KCNH8: variants seen among roughly 807,000 people sequenced by gnomAD.
KCNH8 encodes potassium voltage-gated channel subfamily H member 8, also known as voltage-gated delayed rectifier potassium channel KCNH8.
Under a neutral mutation model 103.6 loss-of-function variants are expected in KCNH8, and 70 were observed. The ratio of observed to expected loss-of-function variants is 0.68; its 90% CI spans 0.56 to 0.82. The LOEUF is 0.82. KCNH8 is among the 40% of genes least tolerant of loss of function. The probability of loss-of-function intolerance (pLI) is 0.00; values close to 1 mark genes in which losing one functional copy is unlikely to be tolerated. For synonymous variants in KCNH8, 498 were observed against 489.4 expected, an observed-to-expected ratio of 1.02 and a Z score of -0.23; for missense variants, 1,217 against 1,329.9, an observed-to-expected ratio of 0.92 and a Z score of 1.32.
At chr3:19,473,125 C>A (rs2067897847) in intron 11 of KCNH8, among the ~76,000 whole-genome samples, 1 of 152,170 alleles carries the variant, frequency 6.6e-6, no homozygotes, top group Admixed American at 6.6e-5. Flanking sequence ...AAAATCAAGT[C>A]AAACTCATGG....
chr3:19,510,471 T>C (rs2068764899), intron 12 of KCNH8, 70 bp downstream of exon 12: 1 of 964,062 alleles, frequency 1.0e-6, no homozygotes, highest in Non-Finnish European at 1.7e-6. Context: ...CTGTCTTGTC[T>C]TTCTCTTCAG....
rs540216877 is a variant in KCNH8 at position 19,181,972 on chromosome 3, T to A, written c.76+33177T>A. Among the ~76,000 whole-genome samples, 6 of 152,262 alleles carry A rather than the reference T, an allele frequency of 3.9e-5. 1 individual carries two copies. The South Asian group carries it at 1.2e-3, about 32-fold the overall frequency. ...TTCAGTGTTGTGCGTGACATTTGTA[T>A]AGAAAAGAAAATGACCAAATTCCTG... On this transcript the variant is annotated intron_variant, in intron 1 of 15. Transcript: ENST00000328405.
At chr3:19,266,032 C>T (rs529757360) in intron 2 of KCNH8, among the ~76,000 whole-genome samples, 71 of 152,062 alleles carry the variant, frequency 4.7e-4, no homozygotes, top group Non-Finnish European at 9.0e-4. Flanking sequence ...CTTTTCTCCT[C>T]ACTGTCTCCA....
At chr3:19,302,395 A>G (rs1032752167) in intron 3 of KCNH8, among the ~76,000 whole-genome samples, 5 of 152,142 alleles carry the variant, frequency 3.3e-5, no homozygotes, top group Non-Finnish European at 5.9e-5. Context: ...TTTTCTTTGT[A>G]AATTTTAGTA....
chr3:19,399,110 G>C (rs1334755174), intron 7 of KCNH8, among the ~76,000 whole-genome samples: 2 of 151,888 alleles, frequency 1.3e-5, no homozygotes. Context: ...AACCTTGTTA[G>C]GATATATCAA....
chr3:19,477,517 G>A (rs922125969), intron 11 of KCNH8, among the ~76,000 whole-genome samples: 5 of 151,646 alleles, frequency 3.3e-5, no homozygotes, highest in African/African-American at 1.2e-4. Flanking sequence ...CTGCCCAACA[G>A]GCTCCAAATG....
intron 2 of KCNH8, among the ~76,000 whole-genome samples, chr3:19,267,337 C>T (rs1371232611): frequency 2.0e-5 from 3 of 151,988 alleles, no homozygotes; most frequent in Non-Finnish European, 4.4e-5. Context: ...GAAAAGAATA[C>T]GTATTTTACT....
chr3:19,264,419 T>C (rs1168348544), intron 2 of KCNH8, among the ~76,000 whole-genome samples: 1 of 152,126 alleles, frequency 6.6e-6, no homozygotes, highest in Non-Finnish European at 1.5e-5. Flanking sequence ...TCTTTTCCTA[T>C]GGTCATGACT....
intron 3 of KCNH8, among the ~76,000 whole-genome samples, chr3:19,311,181 A>G (rs2065203015): frequency 6.6e-6 from 1 of 151,784 alleles, no homozygotes; most frequent in Non-Finnish European, 1.5e-5. Flanking sequence ...TCTAATAATA[A>G]TAATAATAAT....
Position 19,284,865 on chromosome 3 carries a change from T to C in KCNH8, c.442+3536T>C, listed in dbSNP as rs1310751069. Reference sequence around the variant, plus strand: ...TTGGCTGGCAGTTAAATATGTCCTTTTTATAAAAAAAAAAAAGAAAAGGAA... The same window carrying C: ...TTGGCTGGCAGTTAAATATGTCCTTCTTATAAAAAAAAAAAAGAAAAGGAA... On this transcript the variant is annotated intron_variant, in intron 3 of 15. Coordinates refer to ENST00000328405, the MANE Select transcript of KCNH8 (RefSeq NM_144633.3). Among the ~76,000 whole-genome samples the C allele has an allele frequency of 4.0e-5, 6 of 148,802 alleles. No individual in the cohort carries two copies. The East Asian group carries it at 9.8e-4, about 24-fold the overall frequency.
chr3:19,349,039 A>T (rs749857688), intron 5 of KCNH8, among the ~76,000 whole-genome samples: 1 of 151,876 alleles, frequency 6.6e-6, no homozygotes, highest in Non-Finnish European at 1.5e-5. Flanking sequence ...CGTTATTAAC[A>T]TTGTGTCTAC....
intron 7 of KCNH8, among the ~76,000 whole-genome samples, chr3:19,421,876 G>A (rs1314174399): frequency 2.0e-5 from 3 of 151,880 alleles, no homozygotes; most frequent in Admixed American, 6.6e-5. Context: ...TCTCAATCAG[G>A]TCTTTTTGTT....
chr3:19,522,841 G>C (rs2068996475), intron 15 of KCNH8, among the ~76,000 whole-genome samples: 1 of 151,650 alleles, frequency 6.6e-6, no homozygotes. Flanking sequence ...TTTTCCCATA[G>C]CAAAAGATGT....
chr3:19,440,483 A>G (rs2125173502), intron 8 of KCNH8, among the ~76,000 whole-genome samples: 1 of 152,328 alleles, frequency 6.6e-6, no homozygotes, highest in South Asian at 2.1e-4. Flanking sequence ...AGCACATTTC[A>G]CATGGTGGCA....
At chr3:19,500,134 C>A (rs1289868223) in intron 11 of KCNH8, among the ~76,000 whole-genome samples, 1 of 152,122 alleles carries the variant, frequency 6.6e-6, no homozygotes, top group African/African-American at 2.4e-5. Context: ...GCAGGGGTTG[C>A]AATCCTAGTC....
chr3:19,494,775 C>T (rs1447252061), intron 11 of KCNH8, among the ~76,000 whole-genome samples: 2 of 152,030 alleles, frequency 1.3e-5, no homozygotes, highest in Admixed American at 6.6e-5. Context: ...GAGGAGTCAC[C>T]GCACTTCTTT....
intron 1 of KCNH8, among the ~76,000 whole-genome samples, chr3:19,240,722 T>C (rs7644590): frequency 0.039 from 5,898 of 152,210 alleles, 409 homozygotes; most frequent in African/African-American, 0.13. Flanking sequence ...GACCAAACTG[T>C]CAAAATCACC....
chr3:19,188,379 A>C (rs754481728), intron 1 of KCNH8, among the ~76,000 whole-genome samples: 6 of 152,056 alleles, frequency 3.9e-5, no homozygotes, highest in Non-Finnish European at 8.8e-5. Context: ...TTCCATCATA[A>C]CCATGCAACT....
At chr3:19,443,799 G>T (rs1300355351) in intron 8 of KCNH8, among the ~76,000 whole-genome samples, 1 of 151,830 alleles carries the variant, frequency 6.6e-6, no homozygotes, top group African/African-American at 2.4e-5. Context: ...TATAAAAAAT[G>T]ATTACAAATA....
Sources: allele counts gnomAD v4.1 joint callset (sites outside exome capture counted in the v4.1 genomes callset), GRCh38; gene constraint gnomAD v4.1.1; transcripts MANE v1.5; gene names NCBI Gene and HGNC (gene_info 2026-07-23, HGNC 2026-07-21).